Variants in FAM167A observed in about 807,000 individuals in gnomAD.
FAM167A encodes protein FAM167A.
FAM167A carries 23 observed loss-of-function variants against 14.9 expected under a neutral mutation model. That is an observed-to-expected ratio of 1.55 (90% CI 1.11 to 2.19). The LOEUF (loss-of-function observed/expected upper bound fraction) is 2.19, where lower values mean the gene tolerates loss of function less well. Ranked by LOEUF, FAM167A falls within the 30% of genes most tolerant of loss-of-function variation. The pLI, the probability that FAM167A is intolerant of heterozygous loss-of-function variation, is 0.00. For synonymous variants in FAM167A, 174 were observed against 117.7 expected, an observed-to-expected ratio of 1.48 and a Z score of -3.10; for missense variants, 401 against 281.5, an observed-to-expected ratio of 1.42 and a Z score of -3.04.
chr8:11,433,264 G>A (rs1242622315), intron 2 of FAM167A, among the ~76,000 whole-genome samples: 2 of 152,024 alleles, frequency 1.3e-5, no homozygotes, highest in East Asian at 3.8e-4. Flanking sequence ...AGCACAAGGA[G>A]CAACTCTATG....
At chr8:11,452,191 T>C (rs1387613062) in intron 1 of FAM167A, among the ~76,000 whole-genome samples, 2 of 152,200 alleles carry the variant, frequency 1.3e-5, no homozygotes, top group African/African-American at 4.8e-5. Context: ...TCTGTCCACA[T>C]GCAGAGTTGA....
chr8:11,458,952 G>A (rs533952902), intron 1 of FAM167A, among the ~76,000 whole-genome samples: 3 of 152,364 alleles, frequency 2.0e-5, no homozygotes, highest in Admixed American at 2.0e-4. Flanking sequence ...TGGGCTTCAG[G>A]AGGGCGAATT....
chr8:11,449,081 GT>G (rs1438759599), intron 1 of FAM167A, among the ~76,000 whole-genome samples: 1 of 152,260 alleles, frequency 6.6e-6, no homozygotes, highest in Non-Finnish European at 1.5e-5. Flanking sequence ...CAGCCAGATG[GT>G]GAGGAGCTGC....
intron 2 of FAM167A, among the ~76,000 whole-genome samples, chr8:11,427,341 G>A (rs957208332): frequency 6.6e-6 from 1 of 152,212 alleles, no homozygotes; most frequent in Non-Finnish European, 1.5e-5. Context: ...GCTTAGTGCA[G>A]AGCGCCTTCT....
At chr8:11,430,491 C>G (rs1805505242) in intron 2 of FAM167A, among the ~76,000 whole-genome samples, 1 of 152,180 alleles carries the variant, frequency 6.6e-6, no homozygotes, top group African/African-American at 2.4e-5. Context: ...GATGGTTGCA[C>G]AACTCTGAAA....
intron 1 of FAM167A, among the ~76,000 whole-genome samples, chr8:11,463,012 G>A (rs62489063): frequency 2.0e-5 from 3 of 152,200 alleles, no homozygotes; most frequent in Non-Finnish European, 4.4e-5. Context: ...TGTGGTCAGG[G>A]CAGCAGAGAG....
chr8:11,436,681 C>G (rs1276378166), intron 2 of FAM167A, among the ~76,000 whole-genome samples: 1 of 152,186 alleles, frequency 6.6e-6, no homozygotes, highest in Non-Finnish European at 1.5e-5. Context: ...TGATAACTGT[C>G]CTATGGAAAT....
chr8:11,458,000 G>A (rs1195574483), intron 1 of FAM167A, among the ~76,000 whole-genome samples: 2 of 152,236 alleles, frequency 1.3e-5, no homozygotes, highest in African/African-American at 4.8e-5. Context: ...GATGTTCAGT[G>A]TGTGCTGATG....
chr8:11,425,107 A>G (rs1293937746), intron 2 of FAM167A, among the ~76,000 whole-genome samples: 1 of 152,218 alleles, frequency 6.6e-6, no homozygotes, highest in East Asian at 1.9e-4. Context: ...ATGTTGTTAC[A>G]TTACTCTTTA....
At chr8:11,442,476 G>A (rs925376242) in intron 2 of FAM167A, among the ~76,000 whole-genome samples, 6 of 152,096 alleles carry the variant, frequency 3.9e-5, no homozygotes, top group African/African-American at 9.7e-5. Flanking sequence ...GGCGCTATGC[G>A]GAATGCTAAC....
Position 11,437,028 on chromosome 8 carries a change from A to G in FAM167A, c.381+7003T>C, listed in dbSNP as rs115854491. On this transcript the variant is annotated intron_variant, in intron 2 of 2. Transcript: ENST00000284486. ...CTATTTTCTGCCCCAGCCTCCAGGC[A>G]AGTTTGAGGCTGTTTTGTTCTCCAA... Among the ~76,000 whole-genome samples, 746 of 152,310 alleles carry G rather than the reference A, an allele frequency of 4.9e-3. 4 individuals are homozygous for G. Among genetic ancestry groups the G allele is most frequent in the African/African-American group, 0.017 (707 of 41,562 alleles).
intron 2 of FAM167A, among the ~76,000 whole-genome samples, chr8:11,426,105 G>A (rs1216981830): frequency 6.6e-6 from 1 of 152,158 alleles, no homozygotes; most frequent in African/African-American, 2.4e-5. Flanking sequence ...TTTGTCTTAA[G>A]CATTTCTTTC....
rs771756028 is a variant in FAM167A at position 11,444,137 on chromosome 8, G to A, written c.275C>T (p.Pro92Leu). The A allele has an allele frequency of 1.1e-5, 18 of 1,613,114 alleles. No homozygotes were observed. Among genetic ancestry groups the A allele is most frequent in the Non-Finnish European group, 1.4e-5 (17 of 1,179,984 alleles). Residue 92 changes from proline to leucine, a missense_variant, in exon 2 of 3, where the codon CCC becomes CTC. Physicochemically the swap from Pro to Leu is moderately conservative, Grantham distance 98 (BLOSUM62 -3). Transcript: ENST00000284486. The part of the protein sequence containing the change: ...LLPLREAGQH[P>L]PSARSASQGA... ...TTGGCTGGCACTCCTGGCAGAAGGG[G>A]GGTGCTGCCCAGCCTCTCTCAGGGG... is the stretch of plus-strand genomic sequence containing the variant.
intron 2 of FAM167A, among the ~76,000 whole-genome samples, chr8:11,426,423 A>G (rs879438657): frequency 1.3e-5 from 2 of 152,210 alleles, no homozygotes; most frequent in Non-Finnish European, 2.9e-5. Context: ...AACCTCTTTA[A>G]GTATTTTACA....
chr8:11,472,561 A>G (rs1167803612), upstream of FAM167A, among the ~76,000 whole-genome samples: 1 of 150,550 alleles, frequency 6.6e-6, no homozygotes, highest in Non-Finnish European at 1.5e-5. Flanking sequence ...CATGCACAGC[A>G]TTTGAAGGGC....
At chr8:11,429,562 T>G (rs1805429960) in intron 2 of FAM167A, among the ~76,000 whole-genome samples, 1 of 152,230 alleles carries the variant, frequency 6.6e-6, no homozygotes, top group Non-Finnish European at 1.5e-5. Flanking sequence ...AGATGGCAGG[T>G]GTGATTTTAG....
At chr8:11,451,858 C>A (rs1449210539) in intron 1 of FAM167A, among the ~76,000 whole-genome samples, 3 of 152,222 alleles carry the variant, frequency 2.0e-5, no homozygotes, top group Non-Finnish European at 2.9e-5. Context: ...CCTTCTGGAT[C>A]TGCCCTGGTT....
intron 2 of FAM167A, chr8:11,438,029 C>A (rs1486984008): frequency 5.2e-6 from 2 of 383,724 alleles, no homozygotes; most frequent in Non-Finnish European, 1.0e-5. Context: ...TGCCTGTCTT[C>A]TCCTTCGAAG....
chr8:11,438,467 G>C (rs556844352), intron 2 of FAM167A: 2 of 457,250 alleles, frequency 4.4e-6, no homozygotes, highest in Non-Finnish European at 8.8e-6. Flanking sequence ...ACAAGGTGAA[G>C]AATGCATACC....
Sources: allele counts gnomAD v4.1 joint callset (sites outside exome capture counted in the v4.1 genomes callset), GRCh38; gene constraint gnomAD v4.1.1; transcripts MANE v1.5; gene names NCBI Gene and HGNC (gene_info 2026-07-23, HGNC 2026-07-21).